Variants in NFILZ observed in about 807,000 individuals in gnomAD.
The protein encoded by NFILZ is NFIL3 like protein.
chr19:8,667,536 ATATT>A (rs1335522667), intron 3 of NFILZ, among the ~76,000 whole-genome samples: 1 of 152,088 alleles, frequency 6.6e-6, no homozygotes, highest in Non-Finnish European at 1.5e-5. Flanking sequence ...ATCCTCCCAA[ATATT>A]TATTTATTTA....
intron 3 of NFILZ, among the ~76,000 whole-genome samples, chr19:8,663,855 G>A (rs567803665): frequency 2.0e-5 from 3 of 152,026 alleles, no homozygotes; most frequent in African/African-American, 7.2e-5. Context: ...GGACTCAGGT[G>A]CCTCGAAGAG....
At position 8,680,818 on chromosome 19, in the gene NFILZ, C is replaced by A. The variant is rs1334727507; in HGVS notation, c.*3183C>A. 6.6e-6 allele frequency among the ~76,000 whole-genome samples: 1 copy of A among 152,058 alleles called. No individual in the cohort carries two copies. The highest frequency in any genetic ancestry group is 1.5e-5 in the Non-Finnish European group (1 of 68,028). Reference sequence around the variant, plus strand: ...GAGAGAGATGAAGGGGGGAGTCATGCATGTATCAGAGGAAGAACATTTCCT... The same window carrying A: ...GAGAGAGATGAAGGGGGGAGTCATGAATGTATCAGAGGAAGAACATTTCCT... On this transcript the variant is annotated 3_prime_UTR_variant, in exon 6 of 6. Transcript: ENST00000691075.
At chr19:8,636,467 C>T (rs1555746114) in intron 3 of NFILZ, among the ~76,000 whole-genome samples, 1 of 85,660 alleles carries the variant, frequency 1.2e-5, no homozygotes, top group African/African-American at 4.1e-5. Flanking sequence ...TTTTTTGAAA[C>T]AGAGTCTTGC....
intron 3 of NFILZ, among the ~76,000 whole-genome samples, chr19:8,655,299 G>T (rs781986677): frequency 2.0e-5 from 3 of 152,182 alleles, no homozygotes; most frequent in Non-Finnish European, 4.4e-5. Flanking sequence ...GGCCTTACGG[G>T]GTTGGAATGG....
chr19:8,675,991 T>A (rs2043108508), intron 4 of NFILZ, among the ~76,000 whole-genome samples: 1 of 152,198 alleles, frequency 6.6e-6, no homozygotes, highest in South Asian at 2.1e-4. Flanking sequence ...AATCTCTCAG[T>A]GAATCAATGG....
rs1348377016 is a variant in NFILZ, at chr19:8,678,744, C to A, written c.*1109C>A. 4.6e-5 allele frequency among the ~76,000 whole-genome samples: 7 copies of A among 152,182 alleles called. No individual in the cohort carries two copies. The highest frequency in any genetic ancestry group is 8.8e-5 in the Non-Finnish European group (6 of 68,042). On this transcript the variant is annotated 3_prime_UTR_variant, in exon 6 of 6. Transcript: ENST00000691075. Reference sequence around the variant, plus strand: ...TCATTCATTTATTCATTTAGCCACTCATTTATGTGCTAACTTGTTTATTCA... The same window carrying A: ...TCATTCATTTATTCATTTAGCCACTAATTTATGTGCTAACTTGTTTATTCA...
intron 3 of NFILZ, among the ~76,000 whole-genome samples, chr19:8,638,840 T>G (rs1555746372): frequency 6.7e-6 from 1 of 148,840 alleles, no homozygotes; most frequent in Non-Finnish European, 1.5e-5. Flanking sequence ...GAATTTACTT[T>G]GCTGTTTTTT....
chr19:8,662,506 G>A (rs1555749240), intron 3 of NFILZ, among the ~76,000 whole-genome samples: 1 of 152,152 alleles, frequency 6.6e-6, no homozygotes, highest in East Asian at 1.9e-4. Flanking sequence ...GGAACACGGA[G>A]GAGGCCCATG....
intron 3 of NFILZ, among the ~76,000 whole-genome samples, chr19:8,646,435 A>G (rs782454994): frequency 4.6e-5 from 7 of 152,328 alleles, no homozygotes; most frequent in East Asian, 3.9e-4. Flanking sequence ...TGGCGTGGCC[A>G]GAACCAGGAT....
intron 3 of NFILZ, among the ~76,000 whole-genome samples, chr19:8,637,213 A>G (rs944836200): frequency 6.6e-6 from 1 of 152,072 alleles, no homozygotes; most frequent in Non-Finnish European, 1.5e-5. Flanking sequence ...GGGTGTGATG[A>G]CGCACACATA....
At chr19:8,642,170 CTTT>C (rs35972547) in intron 3 of NFILZ, among the ~76,000 whole-genome samples, 16 of 143,822 alleles carry the variant, frequency 1.1e-4, no homozygotes, top group Non-Finnish European at 1.7e-4. Context: ...TCACCGTTCT[CTTT>C]TTTTTTTTTT....
chr19:8,652,614 T>G (rs1480392088), intron 3 of NFILZ, among the ~76,000 whole-genome samples: 2 of 152,332 alleles, frequency 1.3e-5, no homozygotes, highest in East Asian at 3.9e-4. Flanking sequence ...ACATCAGTCT[T>G]TACACCATTG....
Position 8,653,111 on chromosome 19 carries a change from T to TG in NFILZ, c.-164+17366dup, listed in dbSNP as rs202009018. On this transcript the variant is annotated intron_variant, in intron 3 of 5. Coordinates refer to ENST00000691075, the MANE Select transcript of NFILZ (RefSeq NM_001378600.1). ...CTTTCTTTTCTCTTTCTCAGAGTTT[T>TG]GCTCTTGTTGCCCAGGCTGGAGCGC... 3.5e-3 allele frequency among the ~76,000 whole-genome samples: 519 copies of TG among 147,824 alleles called. 1 individual carries two copies. The highest frequency in any genetic ancestry group is 0.013 in the African/African-American group (496 of 38,756).
At chr19:8,663,722 T>TG (rs2043044422) in intron 3 of NFILZ, among the ~76,000 whole-genome samples, 3 of 10,800 alleles carry the variant, frequency 2.8e-4, no homozygotes, top group South Asian at 6.6e-3. Context: ...GTGTGTGTGT[T>TG]TGTGTGTGTG....
intron 3 of NFILZ, among the ~76,000 whole-genome samples, chr19:8,650,134 C>T (rs2042958726): frequency 6.6e-6 from 1 of 151,200 alleles, no homozygotes; most frequent in Non-Finnish European, 1.5e-5. Context: ...AAATTGGTTC[C>T]AAAAAATTAC....
chr19:8,647,806 C>T (rs1219777361), intron 3 of NFILZ, among the ~76,000 whole-genome samples: 1 of 139,488 alleles, frequency 7.2e-6, no homozygotes, highest in East Asian at 2.0e-4. Context: ...CACACACACA[C>T]ACACACACAC....
chr19:8,634,329 CT>C (rs1307312499), intron 2 of NFILZ, among the ~76,000 whole-genome samples: 1 of 151,890 alleles, frequency 6.6e-6, no homozygotes, highest in East Asian at 1.9e-4. Flanking sequence ...CAGGGTTTCA[CT>C]CTGTTGCCCA....
chr19:8,639,466 A>G (rs1055271190), intron 3 of NFILZ, among the ~76,000 whole-genome samples: 5 of 152,094 alleles, frequency 3.3e-5, no homozygotes, highest in Non-Finnish European at 7.4e-5. Context: ...GTATGGTGGC[A>G]TGTGCCTGTA....
intron 3 of NFILZ, among the ~76,000 whole-genome samples, chr19:8,646,097 C>A (rs782726410): frequency 6.6e-6 from 1 of 151,750 alleles, no homozygotes. Flanking sequence ...AGTCCAGTGG[C>A]GCGATCTCGG....
Sources: allele counts gnomAD v4.1 joint callset (sites outside exome capture counted in the v4.1 genomes callset), GRCh38; gene constraint gnomAD v4.1.1; transcripts MANE v1.5; gene names NCBI Gene and HGNC (gene_info 2026-07-23, HGNC 2026-07-21).